ARK2C: variants seen among roughly 807,000 people sequenced by gnomAD.
The protein encoded by ARK2C is E3 ubiquitin-protein ligase ARK2C.
At chr18:46,415,646 G>A in the ARK2C span, among the ~76,000 whole-genome samples, 1 of 152,132 alleles carries the variant, frequency 6.6e-6, no homozygotes, top group South Asian at 2.1e-4. Context: ...AGTGAAAGAC[G>A]GGCTTGGAAT....
At chr18:46,378,298 C>T in the ARK2C span, among the ~76,000 whole-genome samples, 2 of 152,188 alleles carry the variant, frequency 1.3e-5, no homozygotes, top group African/African-American at 4.8e-5. Context: ...TCCCTTTGCC[C>T]ATACTACAGA....
At chr18:46,391,025 T>C in the ARK2C span, among the ~76,000 whole-genome samples, 1 of 152,214 alleles carries the variant, frequency 6.6e-6, no homozygotes, top group African/African-American at 2.4e-5. Flanking sequence ...CATTTAATAA[T>C]GATGTAAAAG....
At chr18:46,359,002 C>T in the ARK2C span, among the ~76,000 whole-genome samples, 14 of 152,338 alleles carry the variant, frequency 9.2e-5, no homozygotes, top group Middle Eastern at 3.4e-3. Context: ...GAGCTAGGCT[C>T]GAGTCCTGAC....
At chr18:46,362,499 G>A in the ARK2C span, among the ~76,000 whole-genome samples, 1 of 152,184 alleles carries the variant, frequency 6.6e-6, no homozygotes, top group African/African-American at 2.4e-5. Context: ...CATCCTGGAA[G>A]CCCTCTCTGT....
chr18:46,426,839 G>A, the ARK2C span, among the ~76,000 whole-genome samples: 3 of 152,330 alleles, frequency 2.0e-5, no homozygotes, highest in Admixed American at 2.0e-4. Flanking sequence ...TGTAATCAGT[G>A]ACATCTGGAG....
chr18:46,450,405 G>A, the ARK2C span: 2 of 1,593,712 alleles, frequency 1.3e-6, no homozygotes, highest in African/African-American at 1.3e-5. Flanking sequence ...TATGAGGTAT[G>A]TTGCTCTGTC....
At chr18:46,357,215 C>G in the ARK2C span, among the ~76,000 whole-genome samples, 1 of 152,162 alleles carries the variant, frequency 6.6e-6, no homozygotes. Context: ...CTGTTCCTCC[C>G]ACCTCACCCT....
the ARK2C span, among the ~76,000 whole-genome samples, chr18:46,449,280 G>A: frequency 6.6e-6 from 1 of 152,216 alleles, no homozygotes; most frequent in African/African-American, 2.4e-5. Flanking sequence ...GGCAGGCCAT[G>A]CCAGAACAGA....
At chr18:46,426,258 C>T in the ARK2C span, among the ~76,000 whole-genome samples, 2 of 152,208 alleles carry the variant, frequency 1.3e-5, no homozygotes, top group Non-Finnish European at 2.9e-5. Flanking sequence ...CAAATTTCTA[C>T]TTTGTTACTT....
chr18:46,374,724 T>C, the ARK2C span, among the ~76,000 whole-genome samples: 1 of 151,544 alleles, frequency 6.6e-6, no homozygotes, highest in African/African-American at 2.4e-5. Flanking sequence ...CATACGGAGG[T>C]CTAGTAAATA....
At chr18:46,347,294 G>A in the ARK2C span, among the ~76,000 whole-genome samples, 1 of 152,048 alleles carries the variant, frequency 6.6e-6, no homozygotes, top group Non-Finnish European at 1.5e-5. Context: ...CTGGAGCATC[G>A]GGCCCTCTCA....
the ARK2C span, among the ~76,000 whole-genome samples, chr18:46,391,478 G>A: frequency 1.3e-5 from 2 of 152,090 alleles, no homozygotes; most frequent in South Asian, 2.1e-4. Context: ...CACCCTCAGT[G>A]TCCTCATCCG....
At chr18:46,375,484 G>A in the ARK2C span, among the ~76,000 whole-genome samples, 1 of 151,806 alleles carries the variant, frequency 6.6e-6, no homozygotes, top group African/African-American at 2.4e-5. Flanking sequence ...AACTTGGGAG[G>A]TGGAGGTTGC....
chr18:46,342,037 C>G, the ARK2C span, among the ~76,000 whole-genome samples: 6 of 152,150 alleles, frequency 3.9e-5, no homozygotes, highest in African/African-American at 1.4e-4. Context: ...GCTCTGATCT[C>G]AAGATTGGTC....
At chr18:46,450,491 G>C in the ARK2C span, 2 of 1,010,794 alleles carry the variant, frequency 2.0e-6, no homozygotes, top group East Asian at 2.4e-5. Context: ...TGGTGAGTAG[G>C]GTATGGGTGT....
chr18:46,362,614 T>G, the ARK2C span, among the ~76,000 whole-genome samples: 2 of 152,238 alleles, frequency 1.3e-5, 1 homozygote, highest in South Asian at 4.1e-4. Flanking sequence ...AATGAGAGCC[T>G]CAAAGCTTTG....
the ARK2C span, chr18:46,386,923 G>A: frequency 6.6e-6 from 1 of 152,330 alleles, no homozygotes; most frequent in Non-Finnish European, 1.5e-5. Flanking sequence ...TTGGGTGGCG[G>A]AGGAGCAGCT....
At chr18:46,447,681 T>A in the ARK2C span, 1 of 1,614,074 alleles carries the variant, frequency 6.2e-7, no homozygotes. Flanking sequence ...AAACTCCTCC[T>A]CCACACAGAT....
At chr18:46,407,230 A>C in the ARK2C span, among the ~76,000 whole-genome samples, 3 of 152,156 alleles carry the variant, frequency 2.0e-5, no homozygotes, top group African/African-American at 7.2e-5. Context: ...TTTTCACCCC[A>C]CAGAGTGGGA....
Sources: allele counts gnomAD v4.1 joint callset (sites outside exome capture counted in the v4.1 genomes callset), GRCh38; gene constraint gnomAD v4.1.1; transcripts MANE v1.5; gene names NCBI Gene and HGNC (gene_info 2026-07-23, HGNC 2026-07-21).